ADAMTS18: variants seen among roughly 807,000 people sequenced by gnomAD.
ADAMTS18 encodes the protein ADAM metallopeptidase with thrombospondin type 1 motif 18.
A neutral mutation model predicts 165.9 loss-of-function variants in ADAMTS18; 157 were observed. The observed-to-expected ratio is 0.95, with a 90% confidence interval of 0.83 to 1.08. The LOEUF (loss-of-function observed/expected upper bound fraction) is 1.08, where lower values mean the gene tolerates loss of function less well. Among genes scored for constraint, ADAMTS18 ranks in the 50% least tolerant of loss-of-function variants. The probability of loss-of-function intolerance (pLI) is 0.00; values close to 1 mark genes in which losing one functional copy is unlikely to be tolerated. For synonymous variants in ADAMTS18, 782 were observed against 578.2 expected (o/e 1.35, Z -5.06); for missense variants, 2,040 against 1,534.0 (o/e 1.33, Z -5.51).
At chr16:77,422,886 C>G (rs1323273942) in intron 3 of ADAMTS18, among the ~76,000 whole-genome samples, 1 of 152,178 alleles carries the variant, frequency 6.6e-6, no homozygotes, top group Non-Finnish European at 1.5e-5. Flanking sequence ...GTCACACTTA[C>G]ATGGTGTGAT....
chr16:77,379,466 A>C (rs1019996459), intron 3 of ADAMTS18, among the ~76,000 whole-genome samples: 2 of 152,074 alleles, frequency 1.3e-5, no homozygotes, highest in African/African-American at 4.8e-5. Context: ...GTGTCACCTT[A>C]TATGCTGGCT....
At chr16:77,349,324 G>A (rs2056521383) in intron 10 of ADAMTS18, among the ~76,000 whole-genome samples, 2 of 151,852 alleles carry the variant, frequency 1.3e-5, no homozygotes, top group Admixed American at 6.6e-5. Context: ...TTGCCCACAA[G>A]GAGATTCCTA....
At chr16:77,397,239 G>C (rs1159599290) in intron 3 of ADAMTS18, among the ~76,000 whole-genome samples, 1 of 152,130 alleles carries the variant, frequency 6.6e-6, no homozygotes. Context: ...GTGTAGAAAG[G>C]AGAAACTTTG....
At chr16:77,298,049 C>G (rs1035153552) in intron 17 of ADAMTS18, among the ~76,000 whole-genome samples, 5 of 151,306 alleles carry the variant, frequency 3.3e-5, no homozygotes, top group Admixed American at 2.6e-4. Flanking sequence ...CTCAGCCTCC[C>G]AGATACCTGG....
intron 9 of ADAMTS18, 55 bp from the exon 10 acceptor site, chr16:77,353,941 T>G: frequency 6.2e-7 from 1 of 1,605,252 alleles, no homozygotes; most frequent in Non-Finnish European, 8.5e-7. Flanking sequence ...ATCTTTCCAT[T>G]TACGACAACA....
At position 77,294,924 on chromosome 16, in the gene ADAMTS18, T is replaced by C. The variant is rs773449203; in HGVS notation, c.3005A>G (p.Gln1002Arg). 4 of 1,613,924 alleles carry C rather than the reference T, an allele frequency of 2.5e-6. No homozygotes were observed. In the South Asian group the frequency reaches 4.4e-5, roughly 18 times the overall value. The change falls in exon 19 of 23, where the codon CAG becomes CGG. Residue 1002 changes from glutamine to arginine, a missense_variant and splice_region_variant. Gln to Arg is a conservative substitution (Grantham distance 43, BLOSUM62 1). Coordinates refer to ENST00000282849, the MANE Select transcript of ADAMTS18 (RefSeq NM_199355.4). ...AACTCCCAAGTTTTCTCCTGTTACCTGAGACCAGGGTCCAAGGCTCCATTG... is the reference window on the plus strand; with the variant it reads ...AACTCCCAAGTTTTCTCCTGTTACCCGAGACCAGGGTCCAAGGCTCCATTG... ...PPQWSLGPWS[Q>R]CSKTCGRGVR... is the part of the protein sequence containing the mutation.
rs556033913 is a variant in ADAMTS18, at chr16:77,401,845, C to T, written c.495+29450G>A. ...TTTCTTGAGCAAGGATATCCATCTTCTTCTGCCCTAGGACATCCACACTCC... is the reference window on the plus strand; with the variant it reads ...TTTCTTGAGCAAGGATATCCATCTTTTTCTGCCCTAGGACATCCACACTCC... On this transcript the variant is annotated intron_variant, in intron 3 of 22. Transcript: ENST00000282849. Among the ~76,000 whole-genome samples the T allele has an allele frequency of 1.2e-4, 19 of 152,308 alleles. No individual in the cohort carries two copies. The South Asian group carries it at 3.3e-3, about 27-fold the overall frequency.
At position 77,325,925 on chromosome 16, in the gene ADAMTS18, T is replaced by C. The variant is rs555022218; in HGVS notation, c.1973A>G (p.Tyr658Cys). The change falls in exon 13 of 23, where the codon TAT becomes TGT. Residue 658 changes from tyrosine to cysteine, a missense_variant. By Grantham distance (194) the Tyr-to-Cys change is radical. Coordinates refer to ENST00000282849, the MANE Select transcript of ADAMTS18 (RefSeq NM_199355.4). ...LDFRAQQCAE[Y>C]NSKPFRGWFY... ...CCATCCACGGAAAGGTTTGCTGTTA[T>C]ATTCTGCACACTGTTGAGCCCGAAA... 1 of 1,614,142 alleles carries C rather than the reference T, an allele frequency of 6.2e-7. No individual in the cohort carries two copies.
At chr16:77,393,157 A>G (rs2057212040) in intron 3 of ADAMTS18, among the ~76,000 whole-genome samples, 1 of 152,224 alleles carries the variant, frequency 6.6e-6, no homozygotes, top group Non-Finnish European at 1.5e-5. Context: ...GTGAAAACAG[A>G]TGTCCAGAGC....
Position 77,297,364 on chromosome 16 carries a change from T to C in ADAMTS18, c.2726A>G (p.Asn909Ser), listed in dbSNP as rs368386469. The C allele has an allele frequency of 1.2e-5, 19 of 1,613,772 alleles. No homozygotes were observed. Among genetic ancestry groups the C allele is most frequent in the African/African-American group, 9.3e-5 (7 of 74,910 alleles). Residue 909 changes from asparagine (N) to serine (S), a missense_variant, in exon 18 of 23, where the codon AAT (asparagine) becomes AGT (serine). Physicochemically the swap from Asn to Ser is conservative, Grantham distance 46. Coordinates refer to ENST00000282849, the MANE Select transcript of ADAMTS18 (RefSeq NM_199355.4). Reference sequence around the variant, plus strand: ...GGTTTTTGCACTGCAGAATGAGGAATTGACTTGAGTATTTTGATCTCGCAA... The same window carrying C: ...GGTTTTTGCACTGCAGAATGAGGAACTGACTTGAGTATTTTGATCTCGCAA... ...ICLRDQNTQV[N>S]SSFCSAKTKP...
At chr16:77,434,247 A>G (rs190092625) in intron 2 of ADAMTS18, among the ~76,000 whole-genome samples, 171 bp downstream of exon 2, 489 of 151,832 alleles carry the variant, frequency 3.2e-3, no homozygotes, top group African/African-American at 0.011. Flanking sequence ...GATTCTTTTG[A>G]TAAGTTCAGT....
intron 3 of ADAMTS18, among the ~76,000 whole-genome samples, chr16:77,410,893 T>C (rs2057453846): frequency 1.3e-5 from 2 of 152,202 alleles, no homozygotes; most frequent in Non-Finnish European, 2.9e-5. Context: ...CCTTCCTTTT[T>C]ATCATCAAAC....
chr16:77,360,469 A>C (rs547765538), intron 7 of ADAMTS18, among the ~76,000 whole-genome samples: 1 of 152,152 alleles, frequency 6.6e-6, no homozygotes, highest in East Asian at 1.9e-4. Flanking sequence ...AAAGTAAGTG[A>C]CCTTTTCCAC....
chr16:77,284,690 T>C (rs2055214592), intron 22 of ADAMTS18, among the ~76,000 whole-genome samples: 1 of 152,180 alleles, frequency 6.6e-6, no homozygotes, highest in Non-Finnish European at 1.5e-5. Flanking sequence ...ATCCTCCCTA[T>C]GTAGCCTGGG....
intron 2 of ADAMTS18, among the ~76,000 whole-genome samples, chr16:77,433,966 G>C (rs954458672): frequency 6.6e-6 from 1 of 151,954 alleles, no homozygotes; most frequent in Admixed American, 6.6e-5. Context: ...GAAAAAAAAA[G>C]AAGAGATAGA....
At chr16:77,287,720 C>T (rs986450957) in intron 22 of ADAMTS18, among the ~76,000 whole-genome samples, 1 of 152,136 alleles carries the variant, frequency 6.6e-6, no homozygotes, top group Non-Finnish European at 1.5e-5. Flanking sequence ...GATCCACCCG[C>T]CTCAGCCTCC....
intron 12 of ADAMTS18, among the ~76,000 whole-genome samples, chr16:77,328,380 C>T (rs2056131208): frequency 6.6e-6 from 1 of 152,044 alleles, no homozygotes; most frequent in African/African-American, 2.4e-5. Flanking sequence ...ATTAAAATTC[C>T]TTGTCTCTTT....
intron 3 of ADAMTS18, among the ~76,000 whole-genome samples, chr16:77,397,694 G>C (rs900789487): frequency 6.6e-6 from 1 of 152,222 alleles, no homozygotes; most frequent in Non-Finnish European, 1.5e-5. Flanking sequence ...CATGTGCTTT[G>C]TTTTGCCCAT....
intron 3 of ADAMTS18, among the ~76,000 whole-genome samples, chr16:77,382,422 G>A (rs951419146): frequency 6.6e-6 from 1 of 152,154 alleles, no homozygotes; most frequent in Non-Finnish European, 1.5e-5. Flanking sequence ...GTGTTAGCCA[G>A]GATGGTCTCG....
Sources: gnomAD v4.1 joint callset for allele counts (sites outside exome capture counted in the v4.1 genomes callset) on GRCh38, gnomAD v4.1.1 for gene constraint, MANE v1.5 for transcripts, NCBI Gene and HGNC (gene_info 2026-07-23, HGNC 2026-07-21) for gene names.